Variants in EED observed in about 807,000 individuals in gnomAD.
EED encodes the protein embryonic ectoderm development.
Under a neutral mutation model 61.0 loss-of-function variants are expected in EED, and 9 were observed. The observed-to-expected ratio is 0.15, with a 90% CI of 0.09 to 0.26. EED has a LOEUF of 0.26. EED is among the 10% of genes least tolerant of loss of function. The pLI is 1.00. For missense variants in EED, 315 were observed against 542.3 expected (o/e 0.58, Z 4.16); for synonymous variants, 187 against 174.4 (o/e 1.07, Z -0.57).
chr11:86,278,066 T>C, intron 11 of EED, 75 bp downstream of exon 11: 3 of 1,403,492 alleles, frequency 2.1e-6, no homozygotes, highest in South Asian at 4.0e-5. Flanking sequence ...GAGAAGATCA[T>C]TTATATTTGC....
At chr11:86,264,847 T>C (rs1458009432) in intron 7 of EED, 7 of 152,256 alleles carry the variant, frequency 4.6e-5, no homozygotes, top group Non-Finnish European at 1.5e-5. Flanking sequence ...TTTTTGCTTA[T>C]GTTCCATATT....
At chr11:86,261,552 C>T (rs1945828980) in intron 6 of EED, among the ~76,000 whole-genome samples, 1 of 152,210 alleles carries the variant, frequency 6.6e-6, no homozygotes, top group Admixed American at 6.5e-5. Context: ...ATGGCTCCAC[C>T]AGGTGTTGCT....
chr11:86,256,338 A>T, intron 4 of EED, 49 bp from the exon 5 acceptor site: 1 of 1,457,704 alleles, frequency 6.9e-7, no homozygotes, highest in Non-Finnish European at 9.2e-7. Flanking sequence ...AATTATTGAC[A>T]TGTTTCTTTT....
intron 10 of EED, 86 bp from the exon 11 acceptor site, chr11:86,277,832 A>T: frequency 7.5e-7 from 1 of 1,333,216 alleles, no homozygotes; most frequent in East Asian, 2.9e-5. Flanking sequence ...TTTTTCTGAA[A>T]CAAGAAAGCT....
At position 86,244,975 on chromosome 11, in the gene EED, A is replaced by C; in HGVS notation, c.-255A>C. 1 of 416,482 alleles carries C rather than the reference A, an allele frequency of 2.4e-6. No homozygotes were observed. Among genetic ancestry groups the C allele is most frequent in the Non-Finnish European group, 4.3e-6 (1 of 232,300 alleles). 25.8% of individuals were successfully genotyped at this position (416,482 alleles called of 1,614,324 possible). On this transcript the variant is annotated 5_prime_UTR_variant, in exon 1 of 12. Coordinates refer to ENST00000263360, the MANE Select transcript of EED (RefSeq NM_003797.5). ...CCGGGAGGGCGGCGGGAAAAGGGCA[A>C]GACGGGAGTTGGGGAAGGGAAGGAG... is the stretch of plus-strand genomic sequence containing the variant.
intron 6 of EED, 114 bp downstream of exon 6, chr11:86,257,710 G>T: frequency 1.4e-6 from 1 of 737,380 alleles, no homozygotes. Flanking sequence ...GAGTCCACAT[G>T]CTTGTATGTC....
At chr11:86,274,270 A>T (rs1378499961) in intron 9 of EED, among the ~76,000 whole-genome samples, 2 of 152,096 alleles carry the variant, frequency 1.3e-5, no homozygotes, top group Non-Finnish European at 2.9e-5. Flanking sequence ...GTATGTTTGC[A>T]TTCATTGAAG....
chr11:86,254,999 A>T (rs1945633702), intron 3 of EED, among the ~76,000 whole-genome samples: 1 of 152,240 alleles, frequency 6.6e-6, no homozygotes, highest in East Asian at 1.9e-4. Context: ...AGTTTAAAAG[A>T]TTGGAAATCG....
At chr11:86,255,947 G>A (rs977843515) in intron 4 of EED, among the ~76,000 whole-genome samples, 6 of 152,256 alleles carry the variant, frequency 3.9e-5, no homozygotes, top group East Asian at 3.8e-4. Context: ...ACCTGTTGTT[G>A]TATTGAGACT....
downstream of EED, among the ~76,000 whole-genome samples, chr11:86,282,715 A>G (rs1236874337): frequency 6.6e-6 from 1 of 152,182 alleles, no homozygotes; most frequent in Non-Finnish European, 1.5e-5. Flanking sequence ...AAAGAGCTAG[A>G]TAGTACATAT....
intron 3 of EED, among the ~76,000 whole-genome samples, chr11:86,254,759 A>G (rs1945627225): frequency 6.6e-6 from 1 of 150,806 alleles, no homozygotes; most frequent in Non-Finnish European, 1.5e-5. Flanking sequence ...AGTAGCTGGG[A>G]TTACGGGCAT....
At chr11:86,286,715 G>A in the EED span, among the ~76,000 whole-genome samples, 4 of 152,044 alleles carry the variant, frequency 2.6e-5, no homozygotes, top group Non-Finnish European at 4.4e-5. Flanking sequence ...GCTCAGGCCT[G>A]TAATCCCAGC....
chr11:86,254,568 C>T (rs994799457), intron 3 of EED, among the ~76,000 whole-genome samples: 6 of 151,914 alleles, frequency 3.9e-5, no homozygotes, highest in African/African-American at 7.3e-5. Flanking sequence ...ATCCACCCGC[C>T]TCGGCCTCCC....
intron 8 of EED, 122 bp downstream of exon 8, chr11:86,266,338 AG>A: frequency 1.2e-6 from 1 of 840,500 alleles, no homozygotes; most frequent in Non-Finnish European, 1.7e-6. Context: ...TTTAACTTTA[AG>A]GGACAATTTA....
intron 5 of EED, 51 bp from the exon 6 acceptor site, chr11:86,257,464 A>T (rs1355097112): frequency 6.8e-7 from 1 of 1,462,388 alleles, no homozygotes; most frequent in East Asian, 2.4e-5. Flanking sequence ...TATGAAAAAA[A>T]ATTTACTGAT....
At chr11:86,268,683 G>A (rs898288560) in intron 9 of EED, 122 bp downstream of exon 9, 4 of 554,642 alleles carry the variant, frequency 7.2e-6, no homozygotes, top group African/African-American at 5.9e-5. Flanking sequence ...TTATTAAATT[G>A]AATGGCAGCT....
Position 86,250,462 on chromosome 11 carries a change from A to C in EED, c.267+14A>C. 6.4e-7 allele frequency: 1 copy of C among 1,559,886 alleles called. No homozygotes were observed. Among genetic ancestry groups the C allele is most frequent in the Non-Finnish European group, 8.7e-7 (1 of 1,155,180 alleles). On this transcript the variant is annotated intron_variant, in intron 2 of 11. Coordinates refer to ENST00000263360, the MANE Select transcript of EED (RefSeq NM_003797.5). Reference sequence around the variant, plus strand: ...AATAGTCTCAAGGTATGTGCAAAAAAAGATCCTTTGGGCTGAATGCTAGGC... The same window carrying C: ...AATAGTCTCAAGGTATGTGCAAAAACAGATCCTTTGGGCTGAATGCTAGGC...
At chr11:86,270,139 G>C (rs1488335838) in intron 9 of EED, 17 of 700,448 alleles carry the variant, frequency 2.4e-5, no homozygotes. Flanking sequence ...CAGTGTCTCC[G>C]AATCTTCGCC....
intron 1 of EED, among the ~76,000 whole-genome samples, chr11:86,249,092 A>T (rs1008518109): frequency 6.6e-6 from 1 of 152,216 alleles, no homozygotes; most frequent in Admixed American, 6.5e-5. Flanking sequence ...ATAGTTTTCC[A>T]CTGAGATACA....
Sources: gnomAD v4.1 joint callset for allele counts (sites outside exome capture counted in the v4.1 genomes callset) on GRCh38, gnomAD v4.1.1 for gene constraint, MANE v1.5 for transcripts, NCBI Gene and HGNC (gene_info 2026-07-23, HGNC 2026-07-21) for gene names.